EDIL3: variants seen among roughly 807,000 people sequenced by gnomAD.
EDIL3 encodes EGF-like repeat and discoidin I-like domain-containing protein 3.
In EDIL3, 37 loss-of-function variants were observed where a neutral mutation model predicts 67.4. The ratio of observed to expected loss-of-function variants is 0.55; its 90% CI spans 0.42 to 0.72. EDIL3 has a LOEUF of 0.72. EDIL3 is among the 30% of genes least tolerant of loss of function. The pLI is 0.00. For missense variants in EDIL3, 527 were observed against 586.3 expected (o/e 0.90, Z 1.04); for synonymous variants, 195 against 196.3 (o/e 0.99, Z 0.05).
intron 1 of EDIL3, among the ~76,000 whole-genome samples, chr5:84,301,007 C>T (rs1188511944): frequency 9.2e-5 from 14 of 152,224 alleles, no homozygotes; most frequent in African/African-American, 2.2e-4. Context: ...CAGTGGCTCA[C>T]GCCTGTAATC....
intron 1 of EDIL3, among the ~76,000 whole-genome samples, chr5:84,343,672 G>A (rs750238451): frequency 3.3e-5 from 5 of 151,856 alleles, no homozygotes; most frequent in Non-Finnish European, 5.9e-5. Context: ...CTCGATGATG[G>A]CTATACATGT....
intron 9 of EDIL3, among the ~76,000 whole-genome samples, chr5:84,040,925 A>T (rs949068843): frequency 2.0e-5 from 3 of 152,192 alleles, no homozygotes; most frequent in African/African-American, 7.2e-5. Context: ...TGAGCTCAAG[A>T]GTTCGAGACC....
chr5:84,377,889 T>C (rs1018999984), intron 1 of EDIL3, among the ~76,000 whole-genome samples: 18 of 152,232 alleles, frequency 1.2e-4, no homozygotes, highest in Admixed American at 9.2e-4. Flanking sequence ...CCTAAATTCT[T>C]GTACTTAAAT....
chr5:84,087,979 C>T (rs985119045), intron 6 of EDIL3, among the ~76,000 whole-genome samples: 3 of 152,126 alleles, frequency 2.0e-5, no homozygotes, highest in East Asian at 3.8e-4. Flanking sequence ...TTCAAGAAGT[C>T]CCATGTGGCT....
In EDIL3 at chr5:84,371,353, A is replaced by G. The variant is rs1421508751; in HGVS notation, c.67+12955T>C. On this transcript the variant is annotated intron_variant, in intron 1 of 10. Transcript: ENST00000296591. ...TATATATATATATATGTGTGTGTGT[A>G]TATATATGTGTGTATATATGTATGT... 9.1e-3 allele frequency among the ~76,000 whole-genome samples: 1,271 copies of G among 140,018 alleles called. 24 individuals carry two copies. The highest frequency in any genetic ancestry group is 0.031 in the African/African-American group (1,157 of 37,312). 91.9% of individuals were successfully genotyped at this position (140,018 alleles called of 152,430 possible).
rs1004131976 is a variant in EDIL3, at chr5:84,208,199, A to G, written c.226+21656T>C. 6.9e-3 allele frequency among the ~76,000 whole-genome samples: 1,053 copies of G among 152,304 alleles called. 10 individuals are homozygous for G. The highest frequency in any genetic ancestry group is 0.024 in the African/African-American group (985 of 41,562). ...CTACAATGAACTCAAACAAATTTAC[A>G]AGAAGAAAACAAACAACCCCATCAA... is the stretch of plus-strand genomic sequence containing the variant. On this transcript the variant is annotated intron_variant, in intron 3 of 10. Coordinates refer to ENST00000296591, the MANE Select transcript of EDIL3 (RefSeq NM_005711.5).
intron 9 of EDIL3, among the ~76,000 whole-genome samples, chr5:84,007,152 A>C (rs1745432641): frequency 6.6e-6 from 1 of 152,178 alleles, no homozygotes; most frequent in African/African-American, 2.4e-5. Context: ...TACAAGATTT[A>C]AATCTAAGAT....
chr5:84,267,504 T>C (rs1745373078), intron 1 of EDIL3, among the ~76,000 whole-genome samples: 1 of 152,210 alleles, frequency 6.6e-6, no homozygotes, highest in Non-Finnish European at 1.5e-5. Flanking sequence ...GCTAGAAAGA[T>C]ATATTGGTTC....
At chr5:84,042,417 GAT>G (rs1460778629) in intron 9 of EDIL3, among the ~76,000 whole-genome samples, 1 of 151,982 alleles carries the variant, frequency 6.6e-6, no homozygotes, top group Non-Finnish European at 1.5e-5. Flanking sequence ...GAGTAGTTGA[GAT>G]TACAGGTGCC....
In EDIL3 at chr5:84,189,239, T is replaced by C. The variant is rs186968343; in HGVS notation, c.227-8718A>G. Among the ~76,000 whole-genome samples the C allele has an allele frequency of 6.4e-4, 98 of 151,992 alleles. 1 individual carries two copies. The East Asian group carries it at 0.015, about 23-fold the overall frequency. On this transcript the variant is annotated intron_variant, in intron 3 of 10. Transcript: ENST00000296591. ...GGCAGTAACTAGGTAGAATCCAGAA[T>C]TGGGTAGCCAGGGGACATCAAGGAG...
At position 84,274,742 on chromosome 5, in the gene EDIL3, T is replaced by TAC. The variant is rs147509457; in HGVS notation, c.68-20532_68-20531dup. ...CCAAAAACAGTGATAACTACACACATACACACACACACAGACACACACAGA... is the reference window on the plus strand; with the variant it reads ...CCAAAAACAGTGATAACTACACACATACACACACACACACAGACACACACAGA... On this transcript the variant is annotated intron_variant, in intron 1 of 10. Transcript: ENST00000296591. Among the ~76,000 whole-genome samples the TAC allele has an allele frequency of 2.0e-5, 3 of 149,438 alleles. No homozygotes were observed. The East Asian group carries it at 6.0e-4, about 30-fold the overall frequency.
intron 9 of EDIL3, among the ~76,000 whole-genome samples, chr5:84,032,899 G>A (rs1272613316): frequency 6.6e-6 from 1 of 152,216 alleles, no homozygotes; most frequent in African/African-American, 2.4e-5. Context: ...TGGTTGAGAA[G>A]ATGTGCAAAT....
At chr5:83,976,299 G>C (rs576248270) in intron 9 of EDIL3, among the ~76,000 whole-genome samples, 3 of 151,962 alleles carry the variant, frequency 2.0e-5, no homozygotes, top group African/African-American at 7.2e-5. Context: ...TTGGGAGATT[G>C]AAAGGTAAAC....
intron 3 of EDIL3, among the ~76,000 whole-genome samples, chr5:84,228,412 A>G (rs966551806): frequency 6.6e-6 from 1 of 152,164 alleles, no homozygotes; most frequent in South Asian, 2.1e-4. Context: ...AAGTCAGGGC[A>G]AACAGAAAGC....
At chr5:84,219,710 C>G in intron 3 of EDIL3, among the ~76,000 whole-genome samples, 1 of 134,066 alleles carries the variant, frequency 7.5e-6, no homozygotes, top group African/African-American at 2.6e-5. Context: ...TGGAAGCAAA[C>G]TAAGTGTTCA....
intron 1 of EDIL3, among the ~76,000 whole-genome samples, chr5:84,259,894 T>C (rs1745195656): frequency 1.3e-5 from 2 of 152,326 alleles, no homozygotes; most frequent in South Asian, 4.1e-4. Context: ...CTAAAATAGG[T>C]ACCTTTATGA....
At chr5:84,335,046 G>A (rs559802825) in intron 1 of EDIL3, among the ~76,000 whole-genome samples, 2 of 151,950 alleles carry the variant, frequency 1.3e-5, no homozygotes, top group East Asian at 3.9e-4. Context: ...TTCACTAAAC[G>A]CTTTACATAT....
intron 6 of EDIL3, among the ~76,000 whole-genome samples, chr5:84,099,828 C>A (rs111599312): frequency 0.058 from 8,825 of 151,944 alleles, 882 homozygotes; most frequent in African/African-American, 0.2. Context: ...TGCAATCTAT[C>A]CATCTCACAA....
In EDIL3 at chr5:83,942,601, A is replaced by G. The variant is rs1744244371; in HGVS notation, c.*818T>C. 1.3e-5 allele frequency: 2 copies of G among 152,060 alleles called. No homozygotes were observed. Among genetic ancestry groups the G allele is most frequent in the Admixed American group, 1.3e-4 (2 of 15,240 alleles). The allele number at this position is 152,060 out of a possible 1,614,324, so 9.4% of individuals were successfully genotyped here. The stretch of plus-strand genomic sequence containing the variant: ...GAGAGTATGGGATTCTTTATGAAGC[A>G]ATTATTTGGAAATTAAATAGTTATG... On this transcript the variant is annotated 3_prime_UTR_variant, in exon 11 of 11. Transcript: ENST00000296591.
Sources: allele counts gnomAD v4.1 joint callset (sites outside exome capture counted in the v4.1 genomes callset), GRCh38; gene constraint gnomAD v4.1.1; transcripts MANE v1.5; gene names NCBI Gene and HGNC (gene_info 2026-07-23, HGNC 2026-07-21).